Variants in ATG2A observed in about 807,000 individuals in gnomAD.
ATG2A encodes autophagy related 2A, also known as autophagy-related protein 2 homolog A.
In ATG2A, 103 loss-of-function variants were observed where a neutral mutation model predicts 214.2. The observed-to-expected ratio is 0.48, with a 90% CI of 0.41 to 0.57. The LOEUF is 0.57. ATG2A is among the 20% of genes least tolerant of loss of function. The pLI is 0.00. For synonymous variants in ATG2A, 1,160 were observed against 1,142.1 expected (o/e 1.02, Z -0.32); for missense variants, 2,312 against 2,613.2 (o/e 0.88, Z 2.51).
At chr11:64,897,084 G>C (rs1944180278) in intron 37 of ATG2A, 1 of 729,220 alleles carries the variant, frequency 1.4e-6, no homozygotes, top group Non-Finnish European at 2.2e-6. Context: ...GAAGTGGTGC[G>C]ATCTTGGCTC....
At position 64,894,940 on chromosome 11, in the gene ATG2A, G is replaced by A. The variant is rs1169370441; in HGVS notation, c.*33C>T. 6.2e-7 allele frequency: 1 copy of A among 1,606,930 alleles called. No homozygotes were observed. The highest frequency in any genetic ancestry group is 1.1e-5 in the South Asian group (1 of 90,978). On this transcript the variant is annotated 3_prime_UTR_variant, in exon 41 of 41. Coordinates refer to ENST00000377264, the MANE Select transcript of ATG2A (RefSeq NM_015104.3). ...TCTTGGGAGGCTCAGGAGCATGGTG[G>A]GCAGCACCCTCTGGGTGCCGGGCAC...
rs774150885 is a variant in ATG2A, at chr11:64,906,673, T to C, written c.2975A>G (p.Tyr992Cys). The C allele has an allele frequency of 2.5e-6, 4 of 1,613,400 alleles. No homozygotes were observed. The highest frequency in any genetic ancestry group is 2.2e-5 in the East Asian group (1 of 44,882). The change falls in exon 20 of 41, where the codon TAC becomes TGC. Residue 992 changes from tyrosine (Y) to cysteine (C), a missense_variant. Tyr to Cys is a radical substitution (Grantham distance 194). Coordinates refer to ENST00000377264, the MANE Select transcript of ATG2A (RefSeq NM_015104.3). ...FCLEAEKATL[Y>C]HRAAVDDYPL... ...GCCCCCAGGCCTCACACCTCGGTGGTAGAGTGTTGCCTTTTCAGCTTCCAG... is the reference window on the plus strand; with the variant it reads ...GCCCCCAGGCCTCACACCTCGGTGGCAGAGTGTTGCCTTTTCAGCTTCCAG...
intron 6 of ATG2A, 175 bp downstream of exon 6, chr11:64,912,863 G>A (rs548202928): frequency 2.7e-5 from 16 of 594,590 alleles, no homozygotes; most frequent in African/African-American, 2.4e-4. Context: ...AAAGTGCTGG[G>A]ATTACAGGTG....
chr11:64,904,061 C>T (rs879586411), intron 24 of ATG2A, among the ~76,000 whole-genome samples: 3 of 151,800 alleles, frequency 2.0e-5, no homozygotes, highest in Non-Finnish European at 2.9e-5. Context: ...GCCTGGCCAA[C>T]GTGGTGAAAC....
At chr11:64,912,858 G>A in intron 6 of ATG2A, 180 bp downstream of exon 6, 1 of 579,092 alleles carries the variant, frequency 1.7e-6, no homozygotes, top group African/African-American at 1.9e-5. Context: ...CTCCCAAAGT[G>A]CTGGGATTAC....
rs1944166881 is a variant in ATG2A, at chr11:64,896,752, C to A, written c.5268G>T (p.Gln1756His). 1.2e-6 allele frequency: 2 copies of A among 1,614,236 alleles called. No individual in the cohort carries two copies. Among genetic ancestry groups the A allele is most frequent in the Non-Finnish European group, 1.7e-6 (2 of 1,180,040 alleles). Reference sequence around the variant, plus strand: ...CTTCCAAACCTAGACACTCACAGAGCTGGACAACCGAGTGCATGGGGCCCA... The same window carrying A: ...CTTCCAAACCTAGACACTCACAGAGATGGACAACCGAGTGCATGGGGCCCA... Reference protein sequence around the residue: ...GGVGPMHSVVQLFQGFRDLLW... With the variant: ...GGVGPMHSVVHLFQGFRDLLW... Residue 1756 changes from glutamine to histidine, a missense_variant, in exon 38 of 41, where the codon CAG becomes CAT. Coordinates refer to ENST00000377264, the MANE Select transcript of ATG2A (RefSeq NM_015104.3).
intron 1 of ATG2A, among the ~76,000 whole-genome samples, chr11:64,915,132 ACCC>A (rs34205615): frequency 0.19 from 6,992 of 36,580 alleles, 340 homozygotes; most frequent in Middle Eastern, 0.42. Flanking sequence ...GCCAGATGGG[ACCC>A]CCCCCCCCCA....
In ATG2A at chr11:64,902,250, C is replaced by T. The variant is rs1260732500; in HGVS notation, c.3904+10G>A. On this transcript the variant is annotated intron_variant, in intron 28 of 40. Transcript: ENST00000377264. ...CTGTGTCTGCTGTCCCCACAGCACC[C>T]CCACTTCACCTGAAGGCTGGGCCAG... The T allele has an allele frequency of 1.2e-6, 2 of 1,613,122 alleles. No individual in the cohort carries two copies. The highest frequency in any genetic ancestry group is 1.7e-6 in the Non-Finnish European group (2 of 1,180,012).
Position 64,914,113 on chromosome 11 carries a change from C to G in ATG2A, c.455G>C (p.Gly152Ala). 3 of 1,550,570 alleles carry G rather than the reference C, an allele frequency of 1.9e-6. No homozygotes were observed. Among genetic ancestry groups the G allele is most frequent in the Non-Finnish European group, 2.6e-6 (3 of 1,147,096 alleles). The change falls in exon 3 of 41, where the codon GGG becomes GCG. Residue 152 changes from glycine (G) to alanine (A), a missense_variant. Transcript: ENST00000377264. ...AATGGTCTGGGCAAACATCTCCAGC[C>G]CCTCCAGGGGCTGTGGTGGCTCAGA... is the stretch of plus-strand genomic sequence containing the variant. ...EPSEPPQPLE[G>A]LEMFAQTIET...
chr11:64,915,062 T>C (rs1419840788), intron 1 of ATG2A, among the ~76,000 whole-genome samples: 1 of 151,034 alleles, frequency 6.6e-6, no homozygotes, highest in Admixed American at 6.6e-5. Flanking sequence ...AGAATACCCA[T>C]GTTCACCCTG....
Position 64,896,501 on chromosome 11 carries a change from G to A in ATG2A, c.5388C>T (p.Ala1796=), listed in dbSNP as rs766183415. Residue 1796 remains alanine, a synonymous_variant, in exon 39 of 41, where the codon GCC becomes GCT. Coordinates refer to ENST00000377264, the MANE Select transcript of ATG2A (RefSeq NM_015104.3). ...CCAACCGGTTGCTGAGTTCCAGGGCGGCAGAGGCTGTGGATGAGCCAAAGG... is the reference window on the plus strand; with the variant it reads ...CCAACCGGTTGCTGAGTTCCAGGGCAGCAGAGGCTGTGGATGAGCCAAAGG... The part of the protein sequence containing the change: ...AASFGSSTAS[A]ALELSNRLVQ... The A allele has an allele frequency of 3.5e-5, 57 of 1,613,730 alleles. 1 individual carries two copies. The highest frequency in any genetic ancestry group is 1.6e-4 in the Middle Eastern group (1 of 6,084).
At chr11:64,897,226 G>C in intron 37 of ATG2A, 186 bp downstream of exon 37, 1 of 688,338 alleles carries the variant, frequency 1.5e-6, no homozygotes, top group Non-Finnish European at 2.4e-6. Context: ...TCACCATGTT[G>C]GTCAGGCTGG....
chr11:64,915,827 C>G (rs1397497121), intron 1 of ATG2A, among the ~76,000 whole-genome samples: 1 of 152,088 alleles, frequency 6.6e-6, no homozygotes, highest in African/African-American at 2.4e-5. Flanking sequence ...AAAAAAGGGG[C>G]AGCCTAGAGA....
At chr11:64,905,256 T>C (rs1211600376) in intron 24 of ATG2A, among the ~76,000 whole-genome samples, 1 of 152,232 alleles carries the variant, frequency 6.6e-6, no homozygotes, top group African/African-American at 2.4e-5. Context: ...GTGAGGCTTG[T>C]GATTTAACTG....
intron 39 of ATG2A, 67 bp downstream of exon 39, chr11:64,896,395 G>A (rs921513498): frequency 2.0e-6 from 3 of 1,527,150 alleles, no homozygotes; most frequent in African/African-American, 1.4e-5. Flanking sequence ...ACAGAACCAG[G>A]GAGCTGTGGT....
rs185714284 is a variant in ATG2A, at chr11:64,894,707, G to A, written c.*266C>T. On this transcript the variant is annotated 3_prime_UTR_variant, in exon 41 of 41. Coordinates refer to ENST00000377264, the MANE Select transcript of ATG2A (RefSeq NM_015104.3). ...GGGGTCCGAGGGTCCAAAAGCCTCC[G>A]TCCTGGGAGAAGGCAGCAGTGTGGG... 72 of 686,356 alleles carry A rather than the reference G, an allele frequency of 1.0e-4. No homozygotes were observed. The highest frequency in any genetic ancestry group is 7.4e-4 in the African/African-American group (42 of 57,028). The allele number at this position is 686,356 out of a possible 1,614,324, so 42.5% of individuals were successfully genotyped here.
Position 64,912,121 on chromosome 11 carries a change from G to T in ATG2A, c.1051C>A (p.Pro351Thr). ...GAVAEPLSPD[P>T]LTNPLLNLDN... is the part of the protein sequence containing the mutation. The stretch of plus-strand genomic sequence containing the variant: ...AGGTTGAGAAGGGGGTTGGTAAGGG[G>T]GTCTGGGCTGAGGGGCTCAGCCACT... Residue 351 changes from proline (P) to threonine (T), a missense_variant, in exon 8 of 41, where the codon CCC (proline) becomes ACC (threonine). Pro to Thr is a conservative substitution (Grantham distance 38). Transcript: ENST00000377264. 6.2e-7 allele frequency: 1 copy of T among 1,613,952 alleles called. No homozygotes were observed.
At chr11:64,899,020 T>C (rs1944261013) in intron 31 of ATG2A, among the ~76,000 whole-genome samples, 178 bp from the exon 32 acceptor site, 1 of 152,186 alleles carries the variant, frequency 6.6e-6, no homozygotes, top group African/African-American at 2.4e-5. Flanking sequence ...TTCAAGCGAT[T>C]CTCCTGCCTC....
intron 18 of ATG2A, 36 bp downstream of exon 18, chr11:64,907,489 G>A: frequency 1.2e-6 from 2 of 1,611,648 alleles, no homozygotes; most frequent in Non-Finnish European, 1.7e-6. Flanking sequence ...AGACCTGGGG[G>A]TCCTCCCTCT....
Sources: gnomAD v4.1 joint callset for allele counts (sites outside exome capture counted in the v4.1 genomes callset) on GRCh38, gnomAD v4.1.1 for gene constraint, MANE v1.5 for transcripts, NCBI Gene and HGNC (gene_info 2026-07-23, HGNC 2026-07-21) for gene names.